Variants in MFSD8 observed in about 807,000 individuals in gnomAD.
MFSD8 encodes major facilitator superfamily domain-containing protein 8.
A neutral mutation model predicts 66.4 loss-of-function variants in MFSD8; 55 were observed. That is an observed-to-expected ratio of 0.83 (90% CI 0.67 to 1.04). The LOEUF is 1.04. Ranked by LOEUF, MFSD8 falls within the 50% of genes least tolerant of loss-of-function variation. MFSD8 has a pLI of 0.00. For missense variants in MFSD8, 550 were observed against 627.6 expected, an observed-to-expected ratio of 0.88 and a Z score of 1.32; for synonymous variants, 202 against 212.8, an observed-to-expected ratio of 0.95 and a Z score of 0.44.
rs1380056670 is a variant in MFSD8, at chr4:127,920,480, C to A, written c.*150G>T. ...ACTATTCACAATGACATGTAGAATT[C>A]TCTCTGTTATTCAACATATGTTCTT... On this transcript the variant is annotated 3_prime_UTR_variant, in exon 12 of 12. Coordinates refer to ENST00000641686, the MANE Select transcript of MFSD8 (RefSeq NM_001371596.2). 9.3e-6 allele frequency: 7 copies of A among 756,354 alleles called. No individual in the cohort carries two copies. The highest frequency in any genetic ancestry group is 8.6e-5 in the African/African-American group (5 of 58,320). 46.9% of individuals were successfully genotyped at this position (756,354 alleles called of 1,614,324 possible).
chr4:127,935,388 A>G (rs1256488492), intron 7 of MFSD8, among the ~76,000 whole-genome samples: 1 of 152,178 alleles, frequency 6.6e-6, no homozygotes, highest in Non-Finnish European at 1.5e-5. Flanking sequence ...GAAATGTTGC[A>G]TCCTAGACTA....
At chr4:127,937,873 A>T (rs1739330543) in intron 7 of MFSD8, among the ~76,000 whole-genome samples, 1 of 152,238 alleles carries the variant, frequency 6.6e-6, no homozygotes, top group Non-Finnish European at 1.5e-5. Flanking sequence ...AAATAGTAAA[A>T]TAATACTATG....
At chr4:127,944,409 T>TA (rs1246432916) in intron 3 of MFSD8, among the ~76,000 whole-genome samples, 2 of 152,094 alleles carry the variant, frequency 1.3e-5, no homozygotes, top group South Asian at 2.1e-4. Flanking sequence ...TCATTTTTTT[T>TA]AAAAAAACTA....
intron 7 of MFSD8, among the ~76,000 whole-genome samples, chr4:127,937,848 T>C (rs1168090805): frequency 2.6e-5 from 4 of 152,192 alleles, no homozygotes; most frequent in Admixed American, 1.3e-4. Context: ...AAAAGAGCTA[T>C]GAAAGTACCT....
chr4:127,951,190 T>C (rs924057539), intron 2 of MFSD8, among the ~76,000 whole-genome samples: 1 of 152,202 alleles, frequency 6.6e-6, no homozygotes, highest in Non-Finnish European at 1.5e-5. Flanking sequence ...TGGGTTTTAA[T>C]ATAATCACAG....
At chr4:127,964,872 A>G in intron 1 of MFSD8, 200 bp downstream of exon 1, 1 of 666,544 alleles carries the variant, frequency 1.5e-6, no homozygotes, top group Non-Finnish European at 2.6e-6. Context: ...CCACGGGCTC[A>G]TCACCGCACG....
intron 9 of MFSD8, among the ~76,000 whole-genome samples, chr4:127,923,551 A>ATTTTTT (rs1251910972): frequency 1.0e-5 from 1 of 100,306 alleles, no homozygotes; most frequent in African/African-American, 4.5e-5. Flanking sequence ...TTTTATTTTT[A>ATTTTTT]TTTATTATTA....
rs746105408 is a variant in MFSD8, at chr4:127,940,039, A to C, written c.554-42T>G. 2.6e-6 allele frequency: 4 copies of C among 1,542,134 alleles called. No individual in the cohort carries two copies. The South Asian group carries it at 4.5e-5, about 17-fold the overall frequency. ...TTTCACAGATGAATTATTATATGAGAAGCATAGGATAAAAAAATGAAAAAG... is the reference window on the plus strand; with the variant it reads ...TTTCACAGATGAATTATTATATGAGCAGCATAGGATAAAAAAATGAAAAAG... On this transcript the variant is annotated intron_variant, in intron 5 of 11. Coordinates refer to ENST00000641686, the MANE Select transcript of MFSD8 (RefSeq NM_001371596.2).
At position 127,918,088 on chromosome 4, in the gene MFSD8, T is replaced by C. The variant is rs976098485; in HGVS notation, c.*2542A>G. ...AGAATGGAGATGCTTTGTGAAGTTA[T>C]AAATCCCTTCAAAATATGAAAATCA... On this transcript the variant is annotated 3_prime_UTR_variant, in exon 12 of 12. Transcript: ENST00000641686. 1 of 152,200 alleles carries C rather than the reference T, an allele frequency of 6.6e-6. No individual in the cohort carries two copies. Among genetic ancestry groups the C allele is most frequent in the Non-Finnish European group, 1.5e-5 (1 of 68,020 alleles). 9.4% of individuals were successfully genotyped at this position (152,200 alleles called of 1,614,324 possible). A position where few individuals can be genotyped will look rare whatever the true frequency, so the allele number is the denominator to read the frequency against.
intron 2 of MFSD8, among the ~76,000 whole-genome samples, chr4:127,955,278 C>T (rs916820915): frequency 6.6e-5 from 10 of 152,118 alleles, no homozygotes; most frequent in Admixed American, 1.3e-4. Flanking sequence ...GTAGGCCAGG[C>T]TAGGCTGTAA....
intron 6 of MFSD8, 193 bp downstream of exon 6, chr4:127,939,660 C>T (rs1739802492): frequency 9.2e-5 from 19 of 207,430 alleles, no homozygotes; most frequent in South Asian, 2.5e-4. Context: ...CCTTCCTTTT[C>T]TGTTCTCATT....
chr4:127,943,718 T>A, intron 4 of MFSD8, 34 bp downstream of exon 4: 2 of 1,613,736 alleles, frequency 1.2e-6, no homozygotes, highest in Non-Finnish European at 1.7e-6. Flanking sequence ...TGAATGTGAA[T>A]ATGACACAAC....
rs1428809721 is a variant in MFSD8 at position 127,918,232 on chromosome 4, T to C, written c.*2398A>G. The C allele has an allele frequency of 6.6e-6, 1 of 152,208 alleles. No homozygotes were observed. The highest frequency in any genetic ancestry group is 1.5e-5 in the Non-Finnish European group (1 of 68,032). 9.4% of individuals were successfully genotyped at this position (152,208 alleles called of 1,614,324 possible). A position where few individuals can be genotyped will look rare whatever the true frequency, so the allele number is the denominator to read the frequency against. ...TGTCATTTTCTCTTTATACGCAACT[T>C]GGCCTACTCAAGAAGACATCAACAT... On this transcript the variant is annotated 3_prime_UTR_variant, in exon 12 of 12. Coordinates refer to ENST00000641686, the MANE Select transcript of MFSD8 (RefSeq NM_001371596.2).
At chr4:127,921,429 A>C in intron 11 of MFSD8, 95 bp downstream of exon 11, 1 of 1,590,246 alleles carries the variant, frequency 6.3e-7, no homozygotes, top group East Asian at 2.2e-5. Context: ...AAATCCCTCA[A>C]ATCAGTCTGT....
chr4:127,961,076 G>A (rs1174991203), intron 1 of MFSD8, among the ~76,000 whole-genome samples: 3 of 152,106 alleles, frequency 2.0e-5, no homozygotes, highest in African/African-American at 7.2e-5. Flanking sequence ...TCAGTGGGGA[G>A]CACTGAGGAT....
chr4:127,962,931 C>T (rs923575627), intron 1 of MFSD8, among the ~76,000 whole-genome samples: 5 of 152,064 alleles, frequency 3.3e-5, no homozygotes, highest in Non-Finnish European at 7.4e-5. Flanking sequence ...TTAAGGGGAA[C>T]AAATGAGTAA....
At chr4:127,938,226 A>G (rs1739392288) in intron 7 of MFSD8, among the ~76,000 whole-genome samples, 1 of 152,156 alleles carries the variant, frequency 6.6e-6, no homozygotes, top group Non-Finnish European at 1.5e-5. Flanking sequence ...TGAAAATAAG[A>G]CAAAGCGATT....
intron 7 of MFSD8, among the ~76,000 whole-genome samples, 187 bp downstream of exon 7, chr4:127,938,590 AAAAAAT>A (rs1468248542): frequency 2.7e-4 from 38 of 138,610 alleles, no homozygotes; most frequent in African/African-American, 1.2e-3. Flanking sequence ...CTCAAAAAAA[AAAAAAT>A]AAATAAATAA....
chr4:127,944,364 TA>T (rs1296161329), intron 3 of MFSD8, among the ~76,000 whole-genome samples: 3 of 152,192 alleles, frequency 2.0e-5, no homozygotes, highest in Non-Finnish European at 4.4e-5. Context: ...AGACTTATGC[TA>T]CCCTATACGT....
Sources: allele counts gnomAD v4.1 joint callset (sites outside exome capture counted in the v4.1 genomes callset), GRCh38; gene constraint gnomAD v4.1.1; transcripts MANE v1.5; gene names NCBI Gene and HGNC (gene_info 2026-07-23, HGNC 2026-07-21).